Variants in CDH13 observed in about 807,000 individuals in gnomAD.
CDH13 encodes cadherin-13.
Under a neutral mutation model 63.8 loss-of-function variants are expected in CDH13, and 24 were observed. The observed-to-expected ratio is 0.38, with a 90% CI of 0.27 to 0.53. The LOEUF (loss-of-function observed/expected upper bound fraction) is 0.53, where lower values mean the gene tolerates loss of function less well. Among genes scored for constraint, CDH13 ranks in the 20% least tolerant of loss-of-function variants. CDH13 has a pLI of 0.85. For missense variants in CDH13, 1,049 were observed against 903.1 expected, an observed-to-expected ratio of 1.16 and a Z score of -2.07; for synonymous variants, 503 against 355.3, an observed-to-expected ratio of 1.42 and a Z score of -4.67.
At chr16:83,478,894 T>C (rs2073684316) in intron 6 of CDH13, among the ~76,000 whole-genome samples, 1 of 149,600 alleles carries the variant, frequency 6.7e-6, no homozygotes, top group African/African-American at 2.4e-5. Context: ...TGGCCTCCAA[T>C]TGGACATCCC....
intron 11 of CDH13, among the ~76,000 whole-genome samples, chr16:83,767,793 T>C (rs900582046): frequency 7.2e-5 from 11 of 152,244 alleles, no homozygotes; most frequent in East Asian, 3.9e-4. Flanking sequence ...ATCTTCAAAA[T>C]AGGCGAATCT....
intron 5 of CDH13, among the ~76,000 whole-genome samples, chr16:83,306,889 A>G (rs1355368618): frequency 6.6e-6 from 1 of 152,214 alleles, no homozygotes; most frequent in Non-Finnish European, 1.5e-5. Context: ...GCAACACGAA[A>G]TGGGCTAAGA....
At chr16:82,750,754 A>G (rs2034380092) in intron 1 of CDH13, among the ~76,000 whole-genome samples, 1 of 152,024 alleles carries the variant, frequency 6.6e-6, no homozygotes, top group Non-Finnish European at 1.5e-5. Context: ...ATTAAGATTG[A>G]AAATTGCAAG....
chr16:82,911,222 G>T lies in CDH13; in HGVS notation c.157+52749G>T, dbSNP rs988896597. On this transcript the variant is annotated intron_variant, in intron 2 of 13. Coordinates refer to ENST00000567109, the MANE Select transcript of CDH13 (RefSeq NM_001257.5). ...TCCATTCATTTGCACATCTCATCTGGCTGTAAGGCATAATGTGGTCTGTGT... is the reference window on the plus strand; with the variant it reads ...TCCATTCATTTGCACATCTCATCTGTCTGTAAGGCATAATGTGGTCTGTGT... Among the ~76,000 whole-genome samples, 14 of 152,304 alleles carry T rather than the reference G, an allele frequency of 9.2e-5. No homozygotes were observed. In the East Asian group the frequency reaches 2.1e-3, roughly 23 times the overall value.
At chr16:83,594,784 A>G (rs1481238953) in intron 7 of CDH13, among the ~76,000 whole-genome samples, 3 of 152,170 alleles carry the variant, frequency 2.0e-5, no homozygotes, top group Non-Finnish European at 4.4e-5. Context: ...TTAAATGCAT[A>G]CCTGTGTGGA....
chr16:83,327,994 G>T (rs1414644089), intron 5 of CDH13, among the ~76,000 whole-genome samples: 1 of 152,050 alleles, frequency 6.6e-6, no homozygotes, highest in East Asian at 1.9e-4. Context: ...TTAGCAGGGT[G>T]TGGTGGTGGG....
intron 5 of CDH13, among the ~76,000 whole-genome samples, chr16:83,334,357 T>TCACACA (rs1231749192): frequency 5.1e-5 from 3 of 58,388 alleles, no homozygotes; most frequent in South Asian, 7.8e-4. Context: ...TCTCTCTCTC[T>TCACACA]CTCTCACACA....
chr16:83,539,325 C>T (rs899686203), intron 7 of CDH13, among the ~76,000 whole-genome samples: 4 of 152,132 alleles, frequency 2.6e-5, no homozygotes, highest in Non-Finnish European at 5.9e-5. Flanking sequence ...GAATCTAATG[C>T]CATGGCTGAT....
chr16:82,673,220 T>G (rs62040578), intron 1 of CDH13, among the ~76,000 whole-genome samples: 9,728 of 151,986 alleles, frequency 0.064, 364 homozygotes, highest in Middle Eastern at 0.16. Context: ...GATGCAGGTG[T>G]TTGATTAATT....
chr16:83,196,403 G>T (rs964337185), intron 4 of CDH13, among the ~76,000 whole-genome samples: 1 of 152,082 alleles, frequency 6.6e-6, no homozygotes, highest in Non-Finnish European at 1.5e-5. Context: ...GTCACAAACA[G>T]GTGTGAACCC....
chr16:82,841,538 T>C (rs1019349436), intron 1 of CDH13, among the ~76,000 whole-genome samples: 8 of 152,174 alleles, frequency 5.3e-5, no homozygotes, highest in African/African-American at 1.4e-4. Context: ...AAAAGCAATA[T>C]TTAAATAACA....
At chr16:83,408,731 T>G (rs1036829684) in intron 6 of CDH13, among the ~76,000 whole-genome samples, 1 of 152,218 alleles carries the variant, frequency 6.6e-6, no homozygotes, top group Non-Finnish European at 1.5e-5. Context: ...AAAAGGGCCT[T>G]GCTAAATGTA....
chr16:83,366,996 C>T (rs999509028), intron 6 of CDH13, among the ~76,000 whole-genome samples: 4 of 152,028 alleles, frequency 2.6e-5, no homozygotes, highest in East Asian at 1.9e-4. Flanking sequence ...GTATGATTCA[C>T]CCATTTAAAG....
At chr16:82,683,455 G>A (rs948563705) in intron 1 of CDH13, among the ~76,000 whole-genome samples, 4 of 152,182 alleles carry the variant, frequency 2.6e-5, no homozygotes, top group Admixed American at 6.5e-5. Context: ...CCAGTGACAC[G>A]GAAGGATGGC....
At chr16:83,226,729 A>C (rs567696037) in intron 5 of CDH13, among the ~76,000 whole-genome samples, 7 of 152,282 alleles carry the variant, frequency 4.6e-5, no homozygotes, top group African/African-American at 1.7e-4. Context: ...AGCCCAGCGA[A>C]TTTACAGGGA....
At chr16:83,341,904 A>C (rs904825970) in intron 5 of CDH13, among the ~76,000 whole-genome samples, 1 of 151,028 alleles carries the variant, frequency 6.6e-6, no homozygotes, top group Non-Finnish European at 1.5e-5. Flanking sequence ...ATCTCTTTCC[A>C]CTTTCTTGTC....
intron 10 of CDH13, among the ~76,000 whole-genome samples, chr16:83,686,342 C>T (rs932417986): frequency 6.6e-6 from 1 of 152,228 alleles, no homozygotes; most frequent in East Asian, 1.9e-4. Flanking sequence ...GCCACCAGAG[C>T]TTCCTCAGTA....
Position 82,761,298 on chromosome 16 carries a change from G to A in CDH13, c.46-97064G>A, listed in dbSNP as rs1025167688. Among the ~76,000 whole-genome samples, 15 of 151,942 alleles carry A rather than the reference G, an allele frequency of 9.9e-5. No individual in the cohort carries two copies. In the East Asian group the frequency reaches 1.7e-3, roughly 18 times the overall value. ...CTCCCAAAGTGCTGGGATTACAGAC[G>A]TGAGCCGCCATGCCCGGCACATTTC... On this transcript the variant is annotated intron_variant, in intron 1 of 13. Coordinates refer to ENST00000567109, the MANE Select transcript of CDH13 (RefSeq NM_001257.5).
intron 4 of CDH13, among the ~76,000 whole-genome samples, chr16:83,209,237 G>T (rs1219603402): frequency 2.6e-5 from 4 of 152,146 alleles, no homozygotes; most frequent in Admixed American, 2.6e-4. Context: ...CCTTCACCTG[G>T]CAACTTTCAT....
Sources: gnomAD v4.1 joint callset for allele counts (sites outside exome capture counted in the v4.1 genomes callset) on GRCh38, gnomAD v4.1.1 for gene constraint, MANE v1.5 for transcripts, NCBI Gene and HGNC (gene_info 2026-07-23, HGNC 2026-07-21) for gene names.